The following KLRG1 variants were observed in gnomAD, a reference collection of about 807,000 sequenced individuals.
KLRG1 encodes the protein killer cell lectin-like receptor subfamily G member 1.
KLRG1 carries 16 observed loss-of-function variants against 21.8 expected under a neutral mutation model. That is an observed-to-expected ratio of 0.73 (90% CI 0.50 to 1.11). The LOEUF is 1.11. Ranked by LOEUF, KLRG1 falls within the 50% of genes most tolerant of loss-of-function variation. The probability of loss-of-function intolerance (pLI) is 0.00; values close to 1 mark genes in which losing one functional copy is unlikely to be tolerated. For missense variants in KLRG1, 173 were observed against 218.3 expected (o/e 0.79, Z 1.31); for synonymous variants, 69 against 75.9 (o/e 0.91, Z 0.47).
chr12:9,095,862 C>T, the KLRG1 span, among the ~76,000 whole-genome samples: 5 of 150,486 alleles, frequency 3.3e-5, no homozygotes, highest in Admixed American at 3.3e-4. Flanking sequence ...CGGGTTCACG[C>T]CATTCTCCTG....
chr12:9,118,439 C>T, the KLRG1 span, among the ~76,000 whole-genome samples: 141 of 152,294 alleles, frequency 9.3e-4, no homozygotes, highest in African/African-American at 3.2e-3. Context: ...GACATGCTGA[C>T]TAGTGATAGG....
chr12:9,009,110 A>G, intron 4 of KLRG1, 35 bp downstream of exon 4: 1 of 1,531,702 alleles, frequency 6.5e-7, no homozygotes, highest in Non-Finnish European at 9.0e-7. Flanking sequence ...AAAAAGAGAG[A>G]GAGGAAAAAG....
At chr12:9,056,394 A>AG in the KLRG1 span, among the ~76,000 whole-genome samples, 1 of 152,148 alleles carries the variant, frequency 6.6e-6, no homozygotes, top group Non-Finnish European at 1.5e-5. Flanking sequence ...GCAAAGTACT[A>AG]GGGGGGATCA....
rs142574954 is a variant in KLRG1 at position 8,992,290 on chromosome 12, A to G, written c.167A>G (p.Tyr56Cys). Reference protein sequence around the residue: ...LTAVLLSVLLYQWILCQGSNY... With the variant: ...LTAVLLSVLLCQWILCQGSNY... ...GCAGTTCTTCTGAGTGTGCTGCTAT[A>G]CCAGTGGATCCTGTGCCAGGGTAAG... The change falls in exon 2 of 5, where the codon TAC becomes TGC. Residue 56 changes from tyrosine to cysteine, a missense_variant. Physicochemically the swap from Tyr to Cys is radical, Grantham distance 194. Transcript: ENST00000356986. 1.9e-6 allele frequency: 3 copies of G among 1,612,706 alleles called. No individual in the cohort carries two copies. The highest frequency in any genetic ancestry group is 2.7e-5 in the African/African-American group (2 of 74,884).
At chr12:9,014,942 T>G (rs1327176308), downstream of KLRG1, among the ~76,000 whole-genome samples, 1 of 152,150 alleles carries the variant, frequency 6.6e-6, no homozygotes, top group African/African-American at 2.4e-5. Flanking sequence ...TGTCATCAGT[T>G]TAAAATAATG....
At chr12:9,022,619 A>G in the KLRG1 span, among the ~76,000 whole-genome samples, 1 of 152,150 alleles carries the variant, frequency 6.6e-6, no homozygotes, top group Non-Finnish European at 1.5e-5. Context: ...AGGCATGATC[A>G]GAGGGCTGGG....
the KLRG1 span, among the ~76,000 whole-genome samples, chr12:9,139,217 A>G: frequency 1.3e-5 from 2 of 151,936 alleles, no homozygotes; most frequent in Non-Finnish European, 1.5e-5. Context: ...TTTAATATCT[A>G]TGTATTTTTT....
the KLRG1 span, chr12:9,153,246 G>C: frequency 6.2e-7 from 1 of 1,614,162 alleles, no homozygotes; most frequent in Non-Finnish European, 8.5e-7. Flanking sequence ...TGTAGAAAAG[G>C]TCTGTGAATC....
At chr12:9,106,467 C>G in the KLRG1 span, 1 of 1,503,682 alleles carries the variant, frequency 6.7e-7, no homozygotes, top group East Asian at 2.3e-5. Flanking sequence ...TGTGTTTTCT[C>G]TTATACCCAT....
At chr12:9,128,258 A>G in the KLRG1 span, 18 of 163,550 alleles carry the variant, frequency 1.1e-4, no homozygotes, top group Non-Finnish European at 2.2e-4. Flanking sequence ...GTATGCGGTC[A>G]TAACTGAGCA....
At chr12:9,141,220 A>G in the KLRG1 span, among the ~76,000 whole-genome samples, 2 of 152,208 alleles carry the variant, frequency 1.3e-5, no homozygotes, top group Non-Finnish European at 2.9e-5. Flanking sequence ...ATAACTTTGG[A>G]ACACATACCA....
the KLRG1 span, among the ~76,000 whole-genome samples, chr12:9,168,100 G>A: frequency 1.3e-5 from 2 of 152,106 alleles, no homozygotes; most frequent in Non-Finnish European, 2.9e-5. Flanking sequence ...AACAATCAAA[G>A]TTCTTAATTT....
At chr12:9,113,312 A>T in the KLRG1 span, 1 of 1,594,086 alleles carries the variant, frequency 6.3e-7, no homozygotes, top group Non-Finnish European at 8.6e-7. Context: ...GATCCCTATG[A>T]CCCTGACTAA....
chr12:8,998,614 A>C (rs1304661453), intron 3 of KLRG1, among the ~76,000 whole-genome samples: 1 of 151,356 alleles, frequency 6.6e-6, no homozygotes, highest in Non-Finnish European at 1.5e-5. Flanking sequence ...CCCTGAACCC[A>C]GGAAGTAGAG....
At chr12:9,134,253 C>G in the KLRG1 span, among the ~76,000 whole-genome samples, 1 of 152,186 alleles carries the variant, frequency 6.6e-6, no homozygotes, top group Non-Finnish European at 1.5e-5. Flanking sequence ...TCATTCCCCA[C>G]CTCAAGTGCT....
the KLRG1 span, among the ~76,000 whole-genome samples, chr12:9,044,118 T>A: frequency 5.9e-5 from 9 of 152,330 alleles, no homozygotes; most frequent in East Asian, 1.5e-3. Flanking sequence ...GGTGGTTTTT[T>A]ATACAGTAAC....
chr12:8,953,645 AT>A (rs1428162364), intron 1 of KLRG1, among the ~76,000 whole-genome samples: 3 of 151,948 alleles, frequency 2.0e-5, no homozygotes, highest in South Asian at 2.1e-4. Context: ...TTAAGTTTGC[AT>A]TTTTTTTGGA....
intron 1 of KLRG1, among the ~76,000 whole-genome samples, chr12:8,958,148 A>T (rs780739683): frequency 6.6e-5 from 10 of 152,118 alleles, no homozygotes; most frequent in Non-Finnish European, 1.2e-4. Context: ...TTCTCCCAAC[A>T]TGGCCTCCCA....
chr12:8,986,816 T>A (rs1946848987), upstream of KLRG1, among the ~76,000 whole-genome samples: 1 of 152,150 alleles, frequency 6.6e-6, no homozygotes, highest in African/African-American at 2.4e-5. Flanking sequence ...CGGATGGTTT[T>A]TCATGAATGG....
Sources: gnomAD v4.1 joint callset for allele counts (sites outside exome capture counted in the v4.1 genomes callset) on GRCh38, gnomAD v4.1.1 for gene constraint, MANE v1.5 for transcripts, NCBI Gene and HGNC (gene_info 2026-07-23, HGNC 2026-07-21) for gene names.